Variants in RRP1B observed in about 807,000 individuals in gnomAD.
RRP1B encodes ribosomal RNA processing 1B.
RRP1B carries 56 observed loss-of-function variants against 80.2 expected under a neutral mutation model. The observed-to-expected ratio is 0.70, with a 90% CI of 0.56 to 0.87. The LOEUF is 0.87. RRP1B is among the 40% of genes least tolerant of loss of function. The probability of loss-of-function intolerance (pLI) is 0.00; values close to 1 mark genes in which losing one functional copy is unlikely to be tolerated. For missense variants in RRP1B, 807 were observed against 939.8 expected, an observed-to-expected ratio of 0.86 and a Z score of 1.85; for synonymous variants, 351 against 357.6, an observed-to-expected ratio of 0.98 and a Z score of 0.21.
chr21:43,682,112 C>T (rs905453267), intron 8 of RRP1B, among the ~76,000 whole-genome samples: 11 of 151,948 alleles, frequency 7.2e-5, no homozygotes, highest in Non-Finnish European at 1.3e-4. Flanking sequence ...TAAAACAAAA[C>T]GAAAAAAAGA....
At chr21:43,683,082 A>G (rs1410881078) in intron 8 of RRP1B, among the ~76,000 whole-genome samples, 197 bp from the exon 9 acceptor site, 1 of 152,148 alleles carries the variant, frequency 6.6e-6, no homozygotes, top group Non-Finnish European at 1.5e-5. Flanking sequence ...CATGTTGCCC[A>G]GGCTGATCTA....
Position 43,691,059 on chromosome 21 carries a change from C to T in RRP1B, c.2020-380C>T, listed in dbSNP as rs571686009. 1.9e-4 allele frequency among the ~76,000 whole-genome samples: 29 copies of T among 152,272 alleles called. No individual in the cohort carries two copies. Among genetic ancestry groups the T allele is most frequent in the African/African-American group, 6.3e-4 (26 of 41,554 alleles). ...AGGGGAGTCTTGGCATTTTTCCTCA[C>T]GGGTTCTCAGTGGTGAACTGTTTTT... On this transcript the variant is annotated intron_variant, in intron 14 of 15. Coordinates refer to ENST00000340648, the MANE Select transcript of RRP1B (RefSeq NM_015056.3). This position sits in a 1 kb window ranked among gnomAD's most constrained non-coding sequence, Gnocchi z 4.2.
intron 7 of RRP1B, 91 bp from the exon 8 acceptor site, chr21:43,676,642 A>T (rs2083023755): frequency 8.2e-7 from 1 of 1,219,574 alleles, no homozygotes; most frequent in African/African-American, 1.5e-5. Flanking sequence ...GACCACAGCA[A>T]CGTGTGCAGG....
chr21:43,670,049 C>A, intron 2 of RRP1B, 83 bp downstream of exon 2: 4 of 936,830 alleles, frequency 4.3e-6, no homozygotes, highest in Admixed American at 2.3e-5. Context: ...GTGCCAGTCC[C>A]CCGATACACT....
intron 2 of RRP1B, among the ~76,000 whole-genome samples, chr21:43,671,602 G>C (rs1383159825): frequency 6.6e-6 from 1 of 151,852 alleles, no homozygotes; most frequent in South Asian, 2.1e-4. Flanking sequence ...TCCTGGACTC[G>C]AGCGATCCAC....
intron 4 of RRP1B, among the ~76,000 whole-genome samples, chr21:43,674,219 C>T (rs2083011953): frequency 6.6e-6 from 1 of 152,146 alleles, no homozygotes; most frequent in South Asian, 2.1e-4. Context: ...TGCAGTGGTG[C>T]GATCTCAGCT....
At chr21:43,675,991 A>C (rs940930546) in intron 6 of RRP1B, among the ~76,000 whole-genome samples, 4 of 151,930 alleles carry the variant, frequency 2.6e-5, no homozygotes, top group Non-Finnish European at 5.9e-5. Context: ...ACAAGATTGG[A>C]CACCCGTGTT....
At chr21:43,679,224 G>A (rs2083033981) in intron 8 of RRP1B, among the ~76,000 whole-genome samples, 1 of 149,684 alleles carries the variant, frequency 6.7e-6, no homozygotes, top group Non-Finnish European at 1.5e-5. Flanking sequence ...TTGTTTTTTT[G>A]TGTGTCTTTT....
At chr21:43,661,519 G>A (rs1051134282) in intron 1 of RRP1B, among the ~76,000 whole-genome samples, 3 of 152,082 alleles carry the variant, frequency 2.0e-5, no homozygotes, top group South Asian at 2.1e-4. Context: ...GAGGACCCCC[G>A]TCCTCCCTCG....
chr21:43,690,468 C>T, intron 14 of RRP1B, 28 bp downstream of exon 14: 1 of 1,608,394 alleles, frequency 6.2e-7, no homozygotes, highest in African/African-American at 1.3e-5. Context: ...AGTGGCACAG[C>T]ACATTTCACC....
chr21:43,675,152 G>T lies in RRP1B; in HGVS notation c.538G>T (p.Gly180Trp). The change falls in exon 6 of 16, where the codon GGG becomes TGG. Residue 180 changes from glycine (G) to tryptophan (W), a missense_variant. Physicochemically the swap from Gly to Trp is radical, Grantham distance 184. Coordinates refer to ENST00000340648, the MANE Select transcript of RRP1B (RefSeq NM_015056.3). ...TTACCTGGATGAACTCTCCAAAGTCGGGGGGAAGGAGGTAAGCAGCTGCCG... is the reference window on the plus strand; with the variant it reads ...TTACCTGGATGAACTCTCCAAAGTCTGGGGGAAGGAGGTAAGCAGCTGCCG... ...DIYLDELSKV[G>W]GKELLADQNL... is the part of the protein sequence containing the mutation. 4 of 1,613,518 alleles carry T rather than the reference G, an allele frequency of 2.5e-6. No homozygotes were observed. Among genetic ancestry groups the T allele is most frequent in the Non-Finnish European group, 3.4e-6 (4 of 1,179,820 alleles).
intron 10 of RRP1B, among the ~76,000 whole-genome samples, chr21:43,685,066 C>T (rs1325906638): frequency 6.6e-6 from 1 of 152,168 alleles, no homozygotes; most frequent in Non-Finnish European, 1.5e-5. Flanking sequence ...GTGTTGATGT[C>T]ACTCTGACCA....
At chr21:43,681,505 A>C (rs1354183467) in intron 8 of RRP1B, among the ~76,000 whole-genome samples, 1 of 152,050 alleles carries the variant, frequency 6.6e-6, no homozygotes, top group Non-Finnish European at 1.5e-5. Flanking sequence ...ACAGGCATGC[A>C]CCACCATGCT....
Position 43,691,602 on chromosome 21 carries a change from G to A in RRP1B, c.2083+100G>A, listed in dbSNP as rs951823229. ...CCACAAGGCGGTCGGGGAAGAGGGG[G>A]GTCCTAGCTCCTCACTGCCCATTTC... On this transcript the variant is annotated intron_variant, in intron 15 of 15. Transcript: ENST00000340648. This position sits in a 1 kb window ranked among gnomAD's most constrained non-coding sequence, Gnocchi z 4.2. 1 of 943,668 alleles carries A rather than the reference G, an allele frequency of 1.1e-6. No individual in the cohort carries two copies. Among genetic ancestry groups the A allele is most frequent in the African/African-American group, 1.6e-5 (1 of 60,824 alleles). The allele number at this position is 943,668 out of a possible 1,614,324, so 58.5% of individuals were successfully genotyped here.
chr21:43,685,746 T>A, intron 10 of RRP1B, 24 bp from the exon 11 acceptor site: 1 of 1,453,680 alleles, frequency 6.9e-7, no homozygotes, highest in Non-Finnish European at 9.2e-7. Context: ...TTTTATTTTT[T>A]ATTTTTTATT....
intron 1 of RRP1B, among the ~76,000 whole-genome samples, chr21:43,669,057 C>A (rs902486425): frequency 1.3e-5 from 2 of 151,980 alleles, no homozygotes; most frequent in African/African-American, 4.8e-5. Flanking sequence ...CAAAGCCAAC[C>A]CTGGTGATGC....
intron 8 of RRP1B, among the ~76,000 whole-genome samples, chr21:43,678,449 G>A (rs772767100): frequency 2.0e-5 from 3 of 152,068 alleles, no homozygotes; most frequent in South Asian, 2.1e-4. Flanking sequence ...ATGAGCCACC[G>A]CGCCCGGCCA....
At chr21:43,688,951 A>G (rs1425329396) in intron 13 of RRP1B, among the ~76,000 whole-genome samples, 3 of 152,318 alleles carry the variant, frequency 2.0e-5, no homozygotes, top group East Asian at 3.9e-4. Context: ...CACCATGCCC[A>G]GCTAATTTTT....
At chr21:43,662,153 G>A (rs1279180817) in intron 1 of RRP1B, among the ~76,000 whole-genome samples, 1 of 152,226 alleles carries the variant, frequency 6.6e-6, no homozygotes, top group Non-Finnish European at 1.5e-5. Context: ...TACTTACGGT[G>A]CTAAGACAGC....
Sources: gnomAD v4.1 joint callset for allele counts (sites outside exome capture counted in the v4.1 genomes callset) on GRCh38, gnomAD v4.1.1 for gene constraint, Gnocchi (gnomAD v3.1) non-coding constraint, MANE v1.5 for transcripts, NCBI Gene and HGNC (gene_info 2026-07-23, HGNC 2026-07-21) for gene names.